The following PKIB variants were observed in gnomAD, a reference collection of about 807,000 sequenced individuals.
PKIB encodes PKI-beta.
In PKIB, 2 loss-of-function variants were observed where a neutral mutation model predicts 4.5. That is an observed-to-expected ratio of 0.44 (90% CI 0.18 to 1.39). The LOEUF (loss-of-function observed/expected upper bound fraction) is 1.39, where lower values mean the gene tolerates loss of function less well. Ranked by LOEUF, PKIB falls within the 40% of genes most tolerant of loss-of-function variation. The pLI, the probability that PKIB is intolerant of heterozygous loss-of-function variation, is 0.27. For synonymous variants in PKIB, 38 were observed against 36.0 expected (o/e 1.06, Z -0.20); for missense variants, 94 against 92.6 (o/e 1.02, Z -0.06).
intron 3 of PKIB, among the ~76,000 whole-genome samples, chr6:122,678,069 G>A (rs540658573): frequency 4.6e-5 from 7 of 152,028 alleles, no homozygotes; most frequent in African/African-American, 9.6e-5. Flanking sequence ...CACCATGCCC[G>A]GCTAATTTTT....
chr6:122,596,223 C>G (rs1484505196), intron 3 of PKIB, among the ~76,000 whole-genome samples: 3 of 152,202 alleles, frequency 2.0e-5, no homozygotes. Context: ...AATGCTACAG[C>G]TGTCCACTTA....
intron 2 of PKIB, among the ~76,000 whole-genome samples, chr6:122,534,904 G>A (rs1220574945): frequency 6.6e-6 from 1 of 152,082 alleles, no homozygotes; most frequent in Non-Finnish European, 1.5e-5. Flanking sequence ...GAGTTTCAGC[G>A]AATATTCATT....
At chr6:122,537,997 T>C (rs1026144226) in intron 2 of PKIB, among the ~76,000 whole-genome samples, 4 of 152,136 alleles carry the variant, frequency 2.6e-5, no homozygotes, top group African/African-American at 9.7e-5. Context: ...TGTCTGTTCA[T>C]ATCCTTTGCC....
chr6:122,622,412 G>A (rs1319556291), intron 1 of PKIB, among the ~76,000 whole-genome samples: 1 of 152,134 alleles, frequency 6.6e-6, no homozygotes, highest in Non-Finnish European at 1.5e-5. Flanking sequence ...TTAAATGAAG[G>A]ATACATTCAA....
At chr6:122,540,752 C>A (rs756487992) in intron 2 of PKIB, among the ~76,000 whole-genome samples, 1 of 152,000 alleles carries the variant, frequency 6.6e-6, no homozygotes, top group Non-Finnish European at 1.5e-5. Context: ...ACTTTTGTCT[C>A]ACTGATCTAT....
At chr6:122,503,952 G>A (rs1456720730) in intron 2 of PKIB, among the ~76,000 whole-genome samples, 1 of 152,158 alleles carries the variant, frequency 6.6e-6, no homozygotes, top group African/African-American at 2.4e-5. Flanking sequence ...TTCTGGTAAT[G>A]ATAATGAATT....
intron 3 of PKIB, among the ~76,000 whole-genome samples, chr6:122,694,549 A>G (rs543253885): frequency 9.2e-5 from 14 of 151,684 alleles, no homozygotes; most frequent in Non-Finnish European, 1.6e-4. Flanking sequence ...AGTTTTCTCA[A>G]TTTTTTTTTC....
intron 3 of PKIB, among the ~76,000 whole-genome samples, chr6:122,703,355 G>A (rs1582828388): frequency 1.3e-5 from 2 of 152,064 alleles, no homozygotes; most frequent in African/African-American, 4.8e-5. Context: ...AAACACAGCA[G>A]GAAACAGTAC....
intron 2 of PKIB, among the ~76,000 whole-genome samples, chr6:122,571,193 C>A (rs1773357069): frequency 2.0e-5 from 3 of 151,810 alleles, no homozygotes; most frequent in African/African-American, 7.3e-5. Flanking sequence ...CCCAATCAGA[C>A]AAAGATAAAG....
At chr6:122,502,940 C>T (rs1206027722) in intron 2 of PKIB, among the ~76,000 whole-genome samples, 2 of 152,110 alleles carry the variant, frequency 1.3e-5, no homozygotes, top group African/African-American at 4.8e-5. Context: ...GTTTAAACAA[C>T]AAGCATTTAT....
chr6:122,685,126 TC>T (rs1778046492), intron 3 of PKIB, among the ~76,000 whole-genome samples: 1 of 152,160 alleles, frequency 6.6e-6, no homozygotes, highest in Non-Finnish European at 1.5e-5. Context: ...AGGAACTGGA[TC>T]CTATCACTAT....
chr6:122,653,541 T>C (rs1776649470), intron 2 of PKIB, among the ~76,000 whole-genome samples: 1 of 5,012 alleles, frequency 2.0e-4, no homozygotes, highest in African/African-American at 2.6e-4. Flanking sequence ...TCAAACCTGG[T>C]GGGGCGGGAT....
chr6:122,511,679 T>C (rs917228769), intron 2 of PKIB, among the ~76,000 whole-genome samples: 2 of 152,210 alleles, frequency 1.3e-5, no homozygotes, highest in African/African-American at 4.8e-5. Context: ...GGCGCCGAGC[T>C]CTGGTTTCCA....
At chr6:122,719,486 A>G (rs1443084433) in intron 4 of PKIB, among the ~76,000 whole-genome samples, 4 of 152,206 alleles carry the variant, frequency 2.6e-5, no homozygotes, top group African/African-American at 9.7e-5. Context: ...TAAATACCAC[A>G]TGATCTTATT....
chr6:122,495,651 G>T (rs973027226), intron 2 of PKIB, among the ~76,000 whole-genome samples: 6 of 152,118 alleles, frequency 3.9e-5, no homozygotes, highest in Non-Finnish European at 8.8e-5. Context: ...GATTCCCCCA[G>T]TGTCTGAGGT....
At chr6:122,715,723 AT>A (rs925749800) in intron 3 of PKIB, among the ~76,000 whole-genome samples, 37 of 151,648 alleles carry the variant, frequency 2.4e-4, no homozygotes, top group African/African-American at 8.7e-4. Flanking sequence ...ATATACACAT[AT>A]TTTTCCCCCT....
intron 1 of PKIB, among the ~76,000 whole-genome samples, chr6:122,629,542 G>A (rs1775605825): frequency 6.6e-6 from 1 of 152,090 alleles, no homozygotes; most frequent in Non-Finnish European, 1.5e-5. Flanking sequence ...TCTTAATTGT[G>A]GGCTACACAT....
chr6:122,637,377 A>G (rs190690720), intron 2 of PKIB, among the ~76,000 whole-genome samples: 2 of 152,284 alleles, frequency 1.3e-5, no homozygotes, highest in East Asian at 3.9e-4. Flanking sequence ...TTTCTGGGAT[A>G]GTACTAATTT....
chr6:122,699,349 A>G (rs1379668426), intron 3 of PKIB, among the ~76,000 whole-genome samples: 7 of 152,044 alleles, frequency 4.6e-5, no homozygotes, highest in Non-Finnish European at 7.3e-5. Flanking sequence ...AACTGCTGAC[A>G]TTGGCACCAA....
Sources: gnomAD v4.1 joint callset for allele counts (sites outside exome capture counted in the v4.1 genomes callset) on GRCh38, gnomAD v4.1.1 for gene constraint, MANE v1.5 for transcripts, NCBI Gene and HGNC (gene_info 2026-07-23, HGNC 2026-07-21) for gene names.